Variants in LINS1 observed in about 807,000 individuals in gnomAD.
LINS1 encodes protein Lines homolog 1.
A neutral mutation model predicts 41.6 loss-of-function variants in LINS1; 27 were observed. The ratio of observed to expected loss-of-function variants is 0.65; its 90% confidence interval spans 0.48 to 0.89. The LOEUF is 0.89. Among genes scored for constraint, LINS1 ranks in the 40% least tolerant of loss-of-function variants. The pLI is 0.00. For missense variants in LINS1, 955 were observed against 884.1 expected (o/e 1.08, Z -1.02); for synonymous variants, 336 against 312.9 (o/e 1.07, Z -0.78).
In LINS1 at chr15:100,572,031, G is replaced by A. The variant is rs1270281209; in HGVS notation, c.1257C>T (p.Thr419=). 6.8e-6 allele frequency: 11 copies of A among 1,614,058 alleles called. No individual in the cohort carries two copies. The South Asian group carries it at 1.1e-4, about 16-fold the overall frequency. ...DLQRFMSELL[T]FLKPHLQPSL... is the part of the protein sequence containing the mutation. ...AGGGCTGAAGATGAGGCTTTAAGAA[G>A]GTCAGTAACTCAGACATGAACCTCT... is the stretch of plus-strand genomic sequence containing the variant. Residue 419 remains threonine (T), a synonymous_variant, in exon 6 of 7, where the codon ACC becomes ACT. Transcript: ENST00000314742.
At chr15:100,600,551 C>CTAAAAAAA (rs777968890) in intron 1 of LINS1, among the ~76,000 whole-genome samples, 1 of 79,674 alleles carries the variant, frequency 1.3e-5, no homozygotes, top group Non-Finnish European at 2.2e-5. Flanking sequence ...TGCTGTTAAG[C>CTAAAAAAA]AAAAAAAAAA....
chr15:100,570,478 G>C, intron 6 of LINS1: 1 of 191,862 alleles, frequency 5.2e-6, no homozygotes, highest in Non-Finnish European at 1.1e-5. Flanking sequence ...ATGTGACCCA[G>C]ATTGACCAAT....
chr15:100,587,107 C>T (rs1362362298), intron 1 of LINS1, among the ~76,000 whole-genome samples: 1 of 136,992 alleles, frequency 7.3e-6, no homozygotes, highest in African/African-American at 2.7e-5. Context: ...TGCAGTGAGC[C>T]AAGATCACAC....
intron 6 of LINS1, among the ~76,000 whole-genome samples, chr15:100,571,361 A>C (rs8024288): frequency 0.41 from 61,721 of 151,900 alleles, 13,197 homozygotes; most frequent in Non-Finnish European, 0.49. Flanking sequence ...GAAGATATTA[A>C]CCCAAGTACA....
Position 100,573,840 on chromosome 15 carries a change from C to T in LINS1, c.1033G>A (p.Val345Met), listed in dbSNP as rs201788561. 9 of 1,614,232 alleles carry T rather than the reference C, an allele frequency of 5.6e-6. No homozygotes were observed. In the South Asian group the frequency reaches 8.8e-5, roughly 16 times the overall value. Residue 345 changes from valine to methionine, a missense_variant, in exon 5 of 7, where the codon GTG (valine) becomes ATG (methionine). Physicochemically the swap from Val to Met is conservative, Grantham distance 21. Coordinates refer to ENST00000314742, the MANE Select transcript of LINS1 (RefSeq NM_001040616.3). ...LALANAVLQA[V>M]NSGLLKTLSV... Reference sequence around the variant, plus strand: ...AGTGTCTTCAACAACCCCGAATTCACAGCTTGCAAAACAGCATTAGCTAAA... The same window carrying T: ...AGTGTCTTCAACAACCCCGAATTCATAGCTTGCAAAACAGCATTAGCTAAA...
chr15:100,571,913 TGCCCAGTGATGCCTTGGCA>T lies in LINS1; in HGVS notation c.1356_1374del (p.Ala453SerfsTer3). On this transcript the variant is annotated frameshift_variant, in exon 6 of 7. Coordinates refer to ENST00000314742, the MANE Select transcript of LINS1 (RefSeq NM_001040616.3). LOFTEE classifies it low-confidence loss of function (END_TRUNC). ...ACTAACCTGGTCAGTGTTAAGTAGA[TGCCCAGTGATGCCTTGGCA>T]GCCTCCAGCATGTCATCGTCTTGTT... 6.2e-7 allele frequency: 1 copy of T among 1,614,234 alleles called. No homozygotes were observed. The highest frequency in any genetic ancestry group is 8.5e-7 in the Non-Finnish European group (1 of 1,180,042).
intron 1 of LINS1, among the ~76,000 whole-genome samples, chr15:100,583,276 C>T (rs2038652417): frequency 1.3e-5 from 2 of 152,298 alleles, no homozygotes; most frequent in Admixed American, 1.3e-4. Context: ...GGTCTTCCGT[C>T]TACAATATGG....
At chr15:100,601,609 T>C (rs2039498509) in intron 1 of LINS1, among the ~76,000 whole-genome samples, 1 of 152,160 alleles carries the variant, frequency 6.6e-6, no homozygotes, top group East Asian at 1.9e-4. Context: ...ACCATTCTGC[T>C]TGATTTTCCT....
intron 1 of LINS1, among the ~76,000 whole-genome samples, chr15:100,597,247 G>T (rs1166584271): frequency 6.6e-6 from 1 of 151,498 alleles, no homozygotes. Flanking sequence ...TCTATTATGT[G>T]ACCACTCCAA....
intron 4 of LINS1, 38 bp from the exon 5 acceptor site, chr15:100,574,279 C>A (rs1223098888): frequency 1.1e-5 from 9 of 838,432 alleles, no homozygotes; most frequent in Admixed American, 6.9e-5. Flanking sequence ...ACAGGAAAAA[C>A]AGTCTTCTTC....
rs750119983 is a variant in LINS1, at chr15:100,573,814, C to A, written c.1059G>T (p.Leu353=). The A allele has an allele frequency of 2.5e-6, 4 of 1,614,206 alleles. No homozygotes were observed. In the South Asian group the frequency reaches 4.4e-5, roughly 18 times the overall value. ...QAVNSGLLKT[L]SVYEKHSFFG... is the part of the protein sequence containing the mutation. ...AAAAGGAATGTTTTTCATAAACAGACAGTGTCTTCAACAACCCCGAATTCA... is the reference window on the plus strand; with the variant it reads ...AAAAGGAATGTTTTTCATAAACAGAAAGTGTCTTCAACAACCCCGAATTCA... Residue 353 remains leucine (L), a synonymous_variant, in exon 5 of 7, where the codon CTG becomes CTT. Transcript: ENST00000314742.
intron 1 of LINS1, among the ~76,000 whole-genome samples, chr15:100,591,756 ACCCCTGG>A (rs2039048145): frequency 6.6e-6 from 1 of 151,914 alleles, no homozygotes; most frequent in Admixed American, 6.6e-5. Context: ...TCCAGCCACT[ACCCCTGG>A]CCATCAAGGA....
At position 100,573,495 on chromosome 15, in the gene LINS1, C is replaced by CT. The variant is rs34816737; in HGVS notation, c.1222+155dup. 176,383 of 599,264 alleles carry CT rather than the reference C, an allele frequency of 0.29. 8,252 individuals are homozygous for CT. The highest frequency in any genetic ancestry group is 0.39 in the Admixed American group (9,857 of 25,348). 37.1% of individuals were successfully genotyped at this position (599,264 alleles called of 1,614,324 possible). Reference sequence around the variant, plus strand: ...ATGTTTCTTAAAGGTAAATCCAGTTCTTTTTTTTTTTTTTGAAAATGTAAT... The same window carrying CT: ...ATGTTTCTTAAAGGTAAATCCAGTTCTTTTTTTTTTTTTTTGAAAATGTAAT... On this transcript the variant is annotated intron_variant, in intron 5 of 6. Transcript: ENST00000314742.
rs1476577622 is a variant in LINS1, at chr15:100,567,237, A to G, written c.*2001T>C. The G allele has an allele frequency of 6.6e-6, 1 of 152,232 alleles. No homozygotes were observed. The highest frequency in any genetic ancestry group is 1.5e-5 in the Non-Finnish European group (1 of 68,058). The allele number at this position is 152,232 out of a possible 1,614,324, so 9.4% of individuals were successfully genotyped here. On this transcript the variant is annotated 3_prime_UTR_variant, in exon 7 of 7. Transcript: ENST00000314742. ...CACAATAGTAAGTATGCGTGTATCT[A>G]AACATGCCTAAACATAGGACAGTCA...
In LINS1 at chr15:100,571,944, G is replaced by A; in HGVS notation, c.1344C>T (p.Asp448=). 3 of 1,614,236 alleles carry A rather than the reference G, an allele frequency of 1.9e-6. No individual in the cohort carries two copies. Among genetic ancestry groups the A allele is most frequent in the South Asian group, 1.1e-5 (1 of 91,092 alleles). ...GTGATGCCTTGGCAGCCTCCAGCAT[G>A]TCATCGTCTTGTTCTATGAAAACCC... is the stretch of plus-strand genomic sequence containing the variant. ...LSRVFIEQDD[D]MLEAAKASLG... Residue 448 remains aspartate (D), a synonymous_variant, in exon 6 of 7, where the codon GAC becomes GAT. Transcript: ENST00000314742.
chr15:100,596,547 G>A (rs1398078821), intron 1 of LINS1, among the ~76,000 whole-genome samples: 14 of 152,240 alleles, frequency 9.2e-5, no homozygotes, highest in Admixed American at 9.2e-4. Context: ...GTAACAGCCT[G>A]ATGATACAGG....
rs762817281 is a variant in LINS1, at chr15:100,569,573, T to C, written c.1939A>G (p.Ser647Gly). ...TGCTGGTGTAAAGATGTCTGTTTAC[T>C]GTTAGCTAAACACTGCTCTGTGGAT... ...VESTEQCLAN[S>G]KQTSLHQQAT... The change falls in exon 7 of 7, where the codon AGT becomes GGT. Residue 647 changes from serine (S) to glycine (G), a missense_variant. Coordinates refer to ENST00000314742, the MANE Select transcript of LINS1 (RefSeq NM_001040616.3). 1.9e-6 allele frequency: 3 copies of C among 1,613,962 alleles called. No individual in the cohort carries two copies. The highest frequency in any genetic ancestry group is 1.1e-5 in the South Asian group (1 of 91,078).
At chr15:100,579,195 A>C (rs1256598034) in intron 3 of LINS1, among the ~76,000 whole-genome samples, 1 of 146,484 alleles carries the variant, frequency 6.8e-6, no homozygotes, top group East Asian at 1.9e-4. Context: ...ATATAAAAAA[A>C]TAAAAAACTA....
At chr15:100,572,870 A>G in intron 5 of LINS1, 1 of 754,118 alleles carries the variant, frequency 1.3e-6, no homozygotes, top group Non-Finnish European at 1.6e-6. Context: ...AATTTTCAAT[A>G]ATCTACATTA....
Sources: allele counts gnomAD v4.1 joint callset (sites outside exome capture counted in the v4.1 genomes callset), GRCh38; gene constraint gnomAD v4.1.1; transcripts MANE v1.5; gene names NCBI Gene and HGNC (gene_info 2026-07-23, HGNC 2026-07-21).